The following HECTD4 variants were observed in gnomAD, a reference collection of about 807,000 sequenced individuals.
HECTD4 encodes the protein HECT domain E3 ubiquitin protein ligase 4.
HECTD4 carries 114 observed loss-of-function variants against 471.5 expected under a neutral mutation model. The ratio of observed to expected loss-of-function variants is 0.24; its 90% confidence interval spans 0.21 to 0.28. The LOEUF is 0.28. Ranked by LOEUF, HECTD4 falls within the 10% of genes least tolerant of loss-of-function variation. The pLI is 1.00. For missense variants in HECTD4, 3,866 were observed against 5,651.5 expected (o/e 0.68, Z 10.13); for synonymous variants, 2,012 against 2,256.0 (o/e 0.89, Z 3.07).
Position 112,167,892 on chromosome 12 carries a change from C to T in HECTD4, c.12234G>A (p.Trp4078Ter), listed in dbSNP as rs1325503809. 6.2e-7 allele frequency: 1 copy of T among 1,613,560 alleles called. No individual in the cohort carries two copies. Among genetic ancestry groups the T allele is most frequent in the Non-Finnish European group, 8.5e-7 (1 of 1,179,882 alleles). The change falls in exon 71 of 76, where the codon TGG (tryptophan) becomes TGA (stop). Residue 4078 changes from tryptophan to a stop codon, truncating the protein, a stop_gained. Transcript: ENST00000682272. LOFTEE classifies it high-confidence loss of function. The stretch of plus-strand genomic sequence containing the variant: ...AACTCTGCAGCTCCTTACACACCTG[C>T]CACAGGAAGTGGCGGAAAGAGCCGC... Reference protein sequence around the residue: ...GTSGSFRHFLWQVCKELQSSS... With the variant: ...GTSGSFRHFL
chr12:112,356,182 C>G (rs1320853017), intron 1 of HECTD4, among the ~76,000 whole-genome samples: 2 of 152,046 alleles, frequency 1.3e-5, no homozygotes, highest in Non-Finnish European at 2.9e-5. Context: ...CATAGATAAG[C>G]TCAACTACAA....
intron 1 of HECTD4, among the ~76,000 whole-genome samples, chr12:112,376,287 C>A (rs2036778740): frequency 6.6e-6 from 1 of 151,908 alleles, no homozygotes; most frequent in African/African-American, 2.4e-5. Context: ...CACTCTGTGG[C>A]CCAGGCTGGA....
At chr12:112,191,162 C>T (rs756378741) in intron 59 of HECTD4, among the ~76,000 whole-genome samples, 197 bp from the exon 60 acceptor site, 37 of 152,216 alleles carry the variant, frequency 2.4e-4, no homozygotes, top group Non-Finnish European at 4.6e-4. Flanking sequence ...GAGGCCATCC[C>T]TCCAGGGAGT....
chr12:112,344,554 G>C (rs975016216), intron 1 of HECTD4, among the ~76,000 whole-genome samples: 3 of 152,186 alleles, frequency 2.0e-5, no homozygotes, highest in South Asian at 2.1e-4. Flanking sequence ...AGGATAGACT[G>C]GGGGGAAGAT....
chr12:112,199,942 G>T (rs2032368055), intron 55 of HECTD4, among the ~76,000 whole-genome samples: 1 of 152,192 alleles, frequency 6.6e-6, no homozygotes, highest in Admixed American at 6.5e-5. Context: ...TTTGAATCAA[G>T]TTGAGTGTAT....
Position 112,210,261 on chromosome 12 carries a change from G to C in HECTD4, c.7630-9C>G. 1 of 1,610,914 alleles carries C rather than the reference G, an allele frequency of 6.2e-7. No homozygotes were observed. Reference sequence around the variant, plus strand: ...GCTCGGGTTTTGGTGTTCTGGAAAGGAGACCAAATGAAGGATTTGGAAAGA... The same window carrying C: ...GCTCGGGTTTTGGTGTTCTGGAAAGCAGACCAAATGAAGGATTTGGAAAGA... On this transcript the variant is annotated splice_polypyrimidine_tract_variant and intron_variant, in intron 49 of 75. Coordinates refer to ENST00000682272, the MANE Select transcript of HECTD4 (RefSeq NM_001388303.1).
In HECTD4 at chr12:112,185,318, C is replaced by G; in HGVS notation, c.9648G>C (p.Gln3216His). Residue 3216 changes from glutamine to histidine, a missense_variant, in exon 61 of 76, where the codon CAG (glutamine) becomes CAC (histidine). Physicochemically the swap from Gln to His is conservative, Grantham distance 24. Coordinates refer to ENST00000682272, the MANE Select transcript of HECTD4 (RefSeq NM_001388303.1). ...CGTCGTACAGCTTGTGGAGCTCCGA[C>G]TGCAAGGCCATCAGCATGGCCAGGC... The part of the protein sequence containing the change: ...NPCLAMLMAL[Q>H]SELHKLYDEE... 6.3e-7 allele frequency: 1 copy of G among 1,579,458 alleles called. No individual in the cohort carries two copies. The highest frequency in any genetic ancestry group is 2.3e-5 in the East Asian group (1 of 43,016).
chr12:112,238,912 G>A lies in HECTD4; in HGVS notation c.5290+140C>T. The A allele has an allele frequency of 1.2e-5, 9 of 769,544 alleles. 1 individual carries two copies. In the South Asian group the frequency reaches 2.0e-4, roughly 17 times the overall value. 47.7% of individuals were successfully genotyped at this position (769,544 alleles called of 1,614,324 possible). A position where few individuals can be genotyped will look rare whatever the true frequency, so the allele number is the denominator to read the frequency against. ...ACCACACTGAGGAAAAGTCTCTCAT[G>A]AAATCATCCACTGATTTAACCCATC... On this transcript the variant is annotated intron_variant, in intron 34 of 75. Transcript: ENST00000682272.
rs1350910198 is a variant in HECTD4, at chr12:112,216,795, C to G, written c.7363G>C (p.Val2455Leu). Reference protein sequence around the residue: ...EKRDGAWTNPVGTCLFHNNGR... With the variant: ...EKRDGAWTNPLGTCLFHNNGR... ...TACTTATGGAAAAGACAAGTGCCCA[C>G]TGGATTAGTCCAAGCCCCATCTCGC... is the stretch of plus-strand genomic sequence containing the variant. Residue 2455 changes from valine (V) to leucine (L), a missense_variant, in exon 47 of 76, where the codon GTG (valine) becomes CTG (leucine). By Grantham distance (32) the Val-to-Leu change is conservative (BLOSUM62 1). Transcript: ENST00000682272. 6.2e-7 allele frequency: 1 copy of G among 1,613,940 alleles called. No homozygotes were observed. Among genetic ancestry groups the G allele is most frequent in the Admixed American group, 1.7e-5 (1 of 60,012 alleles).
At chr12:112,196,674 T>C (rs1484563390) in intron 55 of HECTD4, among the ~76,000 whole-genome samples, 1 of 152,228 alleles carries the variant, frequency 6.6e-6, no homozygotes, top group Non-Finnish European at 1.5e-5. Context: ...CACTGCAGCC[T>C]TGACCTCCCG....
In HECTD4 at chr12:112,192,689, G is replaced by A. The variant is rs1230791532; in HGVS notation, c.9163C>T (p.Leu3055=). The change falls in exon 59 of 76, where the codon CTG becomes TTG. Residue 3055 remains leucine (L), a synonymous_variant. Coordinates refer to ENST00000682272, the MANE Select transcript of HECTD4 (RefSeq NM_001388303.1). ...LGHKVKRNGQ[L]NLIEAACYPR... is the part of the protein sequence containing the mutation. ...TAACAGGCGGCCTCGATGAGGTTCA[G>A]CTGGCCATTTCGCTTCACTTTGTGG... 8.1e-6 allele frequency: 13 copies of A among 1,602,810 alleles called. No homozygotes were observed. The highest frequency in any genetic ancestry group is 2.3e-5 in the South Asian group (2 of 88,632).
chr12:112,169,452 G>A lies in HECTD4; in HGVS notation c.12208+51C>T. 3 of 1,542,782 alleles carry A rather than the reference G, an allele frequency of 1.9e-6. 1 individual carries two copies. In the South Asian group the frequency reaches 3.7e-5, roughly 19 times the overall value. On this transcript the variant is annotated intron_variant, in intron 70 of 75. Transcript: ENST00000682272. ...GTCTTGGGCAGCTGGGGCTAAGGCTGGACACTAAACACAGCTCCTCCAGCG... is the reference window on the plus strand; with the variant it reads ...GTCTTGGGCAGCTGGGGCTAAGGCTAGACACTAAACACAGCTCCTCCAGCG...
intron 7 of HECTD4, among the ~76,000 whole-genome samples, chr12:112,292,992 A>G (rs907637473): frequency 1.3e-5 from 2 of 151,926 alleles, no homozygotes; most frequent in Admixed American, 6.6e-5. Flanking sequence ...ATTGCACTCC[A>G]GCCTGGGCAG....
intron 1 of HECTD4, among the ~76,000 whole-genome samples, chr12:112,348,829 T>A (rs1242128549): frequency 6.6e-6 from 1 of 152,180 alleles, no homozygotes; most frequent in African/African-American, 2.4e-5. Flanking sequence ...GTTTTATATA[T>A]AAACCTATGT....
At chr12:112,183,309 C>A in intron 61 of HECTD4, 43 bp from the exon 62 acceptor site, 1 of 1,465,484 alleles carries the variant, frequency 6.8e-7, no homozygotes, top group Non-Finnish European at 9.5e-7. Flanking sequence ...GTAGCTTGAC[C>A]AGTCATTCAG....
chr12:112,188,738 G>A lies in HECTD4; in HGVS notation c.9472+2048C>T, dbSNP rs1424535114. 6.6e-6 allele frequency among the ~76,000 whole-genome samples: 1 copy of A among 152,222 alleles called. No homozygotes were observed. Among genetic ancestry groups the A allele is most frequent in the African/African-American group, 2.4e-5 (1 of 41,460 alleles). On this transcript the variant is annotated intron_variant, in intron 60 of 75. Coordinates refer to ENST00000682272, the MANE Select transcript of HECTD4 (RefSeq NM_001388303.1). This position sits in a 1 kb window ranked among gnomAD's most constrained non-coding sequence, Gnocchi z 4.2. ...TCAAGCTTCCTGCTCTCTCAGGACT[G>A]ACACTGCTTGCGAATTCTGGTTGGA...
intron 11 of HECTD4, among the ~76,000 whole-genome samples, chr12:112,272,942 G>T (rs2034447957): frequency 6.6e-6 from 1 of 152,128 alleles, no homozygotes; most frequent in Non-Finnish European, 1.5e-5. Flanking sequence ...AGCTTGAGGT[G>T]GTCAGCATAG....
At chr12:112,165,598 A>G (rs191210061) in intron 72 of HECTD4, among the ~76,000 whole-genome samples, 550 of 151,358 alleles carry the variant, frequency 3.6e-3, no homozygotes, top group Non-Finnish European at 4.4e-3. Flanking sequence ...TGATCTGCCC[A>G]CCTTGGCCTC....
chr12:112,176,469 C>T (rs1593897065), intron 65 of HECTD4, 127 bp downstream of exon 65: 1 of 668,830 alleles, frequency 1.5e-6, no homozygotes, highest in East Asian at 2.7e-5. Context: ...AACCCAGAGC[C>T]CAGAGCAGAG....
Sources: gnomAD v4.1 joint callset for allele counts (sites outside exome capture counted in the v4.1 genomes callset) on GRCh38, gnomAD v4.1.1 for gene constraint, Gnocchi (gnomAD v3.1) non-coding constraint, MANE v1.5 for transcripts, NCBI Gene and HGNC (gene_info 2026-07-23, HGNC 2026-07-21) for gene names.